Variants in TACC2 observed in about 807,000 individuals in gnomAD.
The protein encoded by TACC2 is transforming acidic coiled-coil-containing protein 2.
Under a neutral mutation model 227.3 loss-of-function variants are expected in TACC2, and 137 were observed. The ratio of observed to expected loss-of-function variants is 0.60; its 90% confidence interval spans 0.52 to 0.69. The LOEUF (loss-of-function observed/expected upper bound fraction) is 0.69, where lower values mean the gene tolerates loss of function less well. TACC2 is among the 30% of genes least tolerant of loss of function. The probability of loss-of-function intolerance (pLI) is 0.00; values close to 1 mark genes in which losing one functional copy is unlikely to be tolerated. For missense variants in TACC2, 3,470 were observed against 3,694.4 expected (o/e 0.94, Z 1.57); for synonymous variants, 1,523 against 1,487.5 (o/e 1.02, Z -0.55).
Position 122,082,931 on chromosome 10 carries a change from C to G in TACC2, c.431C>G (p.Pro144Arg). The G allele has an allele frequency of 6.2e-7, 1 of 1,613,090 alleles. No individual in the cohort carries two copies. The highest frequency in any genetic ancestry group is 8.5e-7 in the Non-Finnish European group (1 of 1,180,024). ...QTQSPRREPA[P>R]NAPGDIAAAF... is the part of the protein sequence containing the mutation. ...CAGTCTCCCAGGAGGGAACCTGCCC[C>G]AAATGCCCCAGGAGACATCGCGGCG... The change falls in exon 4 of 23, where the codon CCA becomes CGA. Residue 144 changes from proline (P) to arginine (R), a missense_variant. This residue lies in a region of TACC2 where 405 missense variants were observed against 389.6 expected (regional missense o/e 1.04). Coordinates refer to ENST00000369005, the MANE Select transcript of TACC2 (RefSeq NM_206862.4).
intron 6 of TACC2, among the ~76,000 whole-genome samples, chr10:122,134,468 C>G (rs1030391416): frequency 6.6e-6 from 1 of 152,102 alleles, no homozygotes; most frequent in Non-Finnish European, 1.5e-5. Flanking sequence ...CGTGAGCCAC[C>G]TCGCCTGGCC....
At chr10:122,082,073 T>C (rs1381436306) in intron 3 of TACC2, among the ~76,000 whole-genome samples, 2 of 131,156 alleles carry the variant, frequency 1.5e-5, no homozygotes, top group Admixed American at 1.6e-4. Flanking sequence ...TCCAGCACTT[T>C]GGGAGGCTGA....
Position 122,087,514 on chromosome 10 carries a change from C to A in TACC2, c.5014C>A (p.Arg1672=), listed in dbSNP as rs748281753. The A allele has an allele frequency of 6.2e-7, 1 of 1,613,940 alleles. No homozygotes were observed. ...AGTCACTGCTGGCATCTTGGAAATGCGAAATGCCCTGGGCAACCAGAGCAC... is the reference window on the plus strand; with the variant it reads ...AGTCACTGCTGGCATCTTGGAAATGAGAAATGCCCTGGGCAACCAGAGCAC... ...PGVTAGILEM[R]NALGNQSTPA... Residue 1672 remains arginine (R), a synonymous_variant, in exon 4 of 23, where the codon CGA becomes AGA. Coordinates refer to ENST00000369005, the MANE Select transcript of TACC2 (RefSeq NM_206862.4).
chr10:122,153,242 C>T (rs986118019), intron 7 of TACC2, among the ~76,000 whole-genome samples: 4 of 152,164 alleles, frequency 2.6e-5, no homozygotes, highest in Non-Finnish European at 5.9e-5. Context: ...GTGATCCTCT[C>T]GCCTCCCAAA....
At chr10:122,240,686 G>A (rs573713052) in intron 18 of TACC2, among the ~76,000 whole-genome samples, 123 of 152,278 alleles carry the variant, frequency 8.1e-4, no homozygotes, top group African/African-American at 2.5e-3. Context: ...ATGGTTTTCT[G>A]TCATTAGGGT....
At chr10:122,103,166 T>G (rs879750266) in intron 5 of TACC2, among the ~76,000 whole-genome samples, 1 of 142,838 alleles carries the variant, frequency 7.0e-6, no homozygotes, top group Non-Finnish European at 1.5e-5. Flanking sequence ...GAGGGCTGAA[T>G]TCCTATGATA....
chr10:122,086,908 C>T lies in TACC2; in HGVS notation c.4408C>T (p.Leu1470Phe), dbSNP rs745999458. ...CCTTCTCCCTGCACCTCCTGCTCGA[C>T]TCCAGGTGGAGAAGAAGCAACAGTT... ...VTLLPAPPAR[L>F]QVEKKQQLAG... The change falls in exon 4 of 23, where the codon CTC becomes TTC. Residue 1470 changes from leucine to phenylalanine, a missense_variant. Around this residue, in one of 10 missense-constraint regions of TACC2, gnomAD observed 1,924 missense variants for 1,978.3 expected, o/e 0.97. Coordinates refer to ENST00000369005, the MANE Select transcript of TACC2 (RefSeq NM_206862.4). 2 of 1,613,982 alleles carry T rather than the reference C, an allele frequency of 1.2e-6. No homozygotes were observed. The highest frequency in any genetic ancestry group is 1.3e-5 in the African/African-American group (1 of 75,066).
intron 7 of TACC2, among the ~76,000 whole-genome samples, chr10:122,170,417 C>T (rs1269794220): frequency 1.3e-5 from 2 of 151,660 alleles, no homozygotes; most frequent in Non-Finnish European, 2.9e-5. Context: ...AATACAGGTG[C>T]ACGCCACTGT....
At chr10:122,129,790 G>A (rs1291477293) in intron 5 of TACC2, among the ~76,000 whole-genome samples, 1 of 152,186 alleles carries the variant, frequency 6.6e-6, no homozygotes, top group Non-Finnish European at 1.5e-5. Flanking sequence ...CTCCTTGGAT[G>A]TGGTCACAGG....
chr10:122,227,480 C>T (rs2095652136), intron 13 of TACC2, among the ~76,000 whole-genome samples: 1 of 152,188 alleles, frequency 6.6e-6, no homozygotes, highest in Admixed American at 6.5e-5. Context: ...GCTTTACAGG[C>T]ATGCAGCATC....
At chr10:122,077,167 G>T (rs1291056053) in intron 3 of TACC2, among the ~76,000 whole-genome samples, 1 of 150,350 alleles carries the variant, frequency 6.7e-6, no homozygotes, top group African/African-American at 2.4e-5. Flanking sequence ...AAACAACCAC[G>T]ATTTGGGTGC....
At position 122,254,267 on chromosome 10, in the gene TACC2, A is replaced by G. The variant is rs1344366660; in HGVS notation, c.*211A>G. 7 of 610,936 alleles carry G rather than the reference A, an allele frequency of 1.1e-5. No homozygotes were observed. The highest frequency in any genetic ancestry group is 7.4e-5 in the Admixed American group (3 of 40,796). The allele number at this position is 610,936 out of a possible 1,614,324, so 37.8% of individuals were successfully genotyped here. A position where few individuals can be genotyped will look rare whatever the true frequency, so the allele number is the denominator to read the frequency against. ...GGTTTGCATTTTCCTAGTATAATTCATAGCAAGTTGACCTCAGAGTTCCTG... is the reference window on the plus strand; with the variant it reads ...GGTTTGCATTTTCCTAGTATAATTCGTAGCAAGTTGACCTCAGAGTTCCTG... On this transcript the variant is annotated 3_prime_UTR_variant, in exon 23 of 23. Coordinates refer to ENST00000369005, the MANE Select transcript of TACC2 (RefSeq NM_206862.4).
At chr10:122,149,514 G>A (rs2091803301) in intron 7 of TACC2, among the ~76,000 whole-genome samples, 1 of 144,040 alleles carries the variant, frequency 6.9e-6, no homozygotes, top group African/African-American at 2.6e-5. Flanking sequence ...CACCCGCCCT[G>A]GGCAGCTGCC....
chr10:122,125,959 A>G (rs1022830443), intron 5 of TACC2, among the ~76,000 whole-genome samples: 1 of 151,806 alleles, frequency 6.6e-6, no homozygotes, highest in Admixed American at 6.6e-5. Context: ...TTGTATTTTT[A>G]GTAGAGATGG....
chr10:122,112,169 G>A (rs1387185102), intron 5 of TACC2, among the ~76,000 whole-genome samples: 3 of 152,242 alleles, frequency 2.0e-5, no homozygotes, highest in Admixed American at 1.3e-4. Context: ...CACTAAAAAT[G>A]GGAAGCCTGC....
chr10:121,994,084 A>G (rs1953165058), intron 1 of TACC2, among the ~76,000 whole-genome samples: 1 of 152,162 alleles, frequency 6.6e-6, no homozygotes, highest in Non-Finnish European at 1.5e-5. Context: ...TTCCCATTGT[A>G]TGATTGCATC....
intron 13 of TACC2, among the ~76,000 whole-genome samples, chr10:122,227,206 A>G (rs1036978335): frequency 6.6e-6 from 1 of 152,132 alleles, no homozygotes; most frequent in Non-Finnish European, 1.5e-5. Flanking sequence ...TACATTATTG[A>G]TATGGGTGTT....
Position 122,195,104 on chromosome 10 carries a change from G to C in TACC2, c.5899G>C (p.Ala1967Pro). 6.2e-7 allele frequency: 1 copy of C among 1,613,566 alleles called. No homozygotes were observed. The highest frequency in any genetic ancestry group is 8.5e-7 in the Non-Finnish European group (1 of 1,179,676). ...AACGACCCCTGTCAAAGCTCCGCCAGCTCCACCCCCACCACCCCCCGAAGT... is the reference window on the plus strand; with the variant it reads ...AACGACCCCTGTCAAAGCTCCGCCACCTCCACCCCCACCACCCCCCGAAGT... Reference protein sequence around the residue: ...ESTTPVKAPPAPPPPPPEVIP... With the variant: ...ESTTPVKAPPPPPPPPPEVIP... Residue 1967 changes from alanine to proline, a missense_variant, in exon 8 of 23, where the codon GCT becomes CCT. Physicochemically the swap from Ala to Pro is conservative, Grantham distance 27. Transcript: ENST00000369005.
At chr10:122,136,504 AAT>A (rs36026067) in intron 6 of TACC2, among the ~76,000 whole-genome samples, 21 of 147,800 alleles carry the variant, frequency 1.4e-4, no homozygotes, top group South Asian at 6.4e-4. Context: ...AATTGAAATG[AAT>A]ATATATATAT....
Sources: allele counts gnomAD v4.1 joint callset (sites outside exome capture counted in the v4.1 genomes callset), GRCh38; gene constraint gnomAD v4.1.1; regional missense constraint gnomAD v4.1.1; transcripts MANE v1.5; gene names NCBI Gene and HGNC (gene_info 2026-07-23, HGNC 2026-07-21).